SMYD3: variants seen among roughly 807,000 people sequenced by gnomAD.
SMYD3 encodes SET and MYND domain containing 3, also known as histone-lysine N-methyltransferase SMYD3.
Under a neutral mutation model 57.7 loss-of-function variants are expected in SMYD3, and 36 were observed. The ratio of observed to expected loss-of-function variants is 0.62; its 90% CI spans 0.48 to 0.82. The LOEUF is 0.82. Ranked by LOEUF, SMYD3 falls within the 40% of genes least tolerant of loss-of-function variation. The pLI is 0.00. For synonymous variants in SMYD3, 211 were observed against 195.0 expected (o/e 1.08, Z -0.68); for missense variants, 515 against 538.8 (o/e 0.96, Z 0.44).
At chr1:245,775,375 T>A (rs1441135955) in intron 10 of SMYD3, among the ~76,000 whole-genome samples, 2 of 152,230 alleles carry the variant, frequency 1.3e-5, no homozygotes, top group African/African-American at 4.8e-5. Context: ...TAAGAAAAAT[T>A]CTTCTGCCTT....
chr1:246,234,070 A>T (rs796662552), intron 5 of SMYD3, among the ~76,000 whole-genome samples: 2 of 113,794 alleles, frequency 1.8e-5, no homozygotes, highest in Non-Finnish European at 3.5e-5. Flanking sequence ...GAGGAGAAGC[A>T]CTCCTTCAAT....
At chr1:246,255,927 A>AAGATAGATAGATAGATAGATAGAT (rs55974041) in intron 5 of SMYD3, among the ~76,000 whole-genome samples, 1 of 121,242 alleles carries the variant, frequency 8.2e-6, no homozygotes, top group Non-Finnish European at 1.7e-5. Context: ...CATAACTAAT[A>AAGATAGATAGATAGATAGATAGAT]AGATAGATAG....
intron 5 of SMYD3, among the ~76,000 whole-genome samples, chr1:246,243,015 C>G (rs12077630): frequency 6.6e-6 from 1 of 152,100 alleles, no homozygotes; most frequent in Non-Finnish European, 1.5e-5. Context: ...GAGACATTAA[C>G]GCCCCACTGT....
intron 10 of SMYD3, among the ~76,000 whole-genome samples, chr1:245,824,960 G>C (rs2049399310): frequency 6.6e-6 from 1 of 152,056 alleles, no homozygotes. Context: ...GAACCCGAGA[G>C]GCAGAGGTTG....
chr1:246,061,953 C>A (rs968126191), intron 5 of SMYD3, among the ~76,000 whole-genome samples: 1 of 152,060 alleles, frequency 6.6e-6, no homozygotes, highest in Admixed American at 6.6e-5. Flanking sequence ...AAGGCCACAA[C>A]GTTACAATAT....
At chr1:246,093,211 T>C (rs7518139) in intron 5 of SMYD3, among the ~76,000 whole-genome samples, 92,520 of 151,948 alleles carry the variant, frequency 0.61, 30,054 homozygotes, top group Admixed American at 0.76. Context: ...ATTATGAATG[T>C]TCAGTGAAAA....
intron 10 of SMYD3, among the ~76,000 whole-genome samples, chr1:245,844,356 A>G (rs1036284685): frequency 6.6e-6 from 1 of 150,474 alleles, no homozygotes; most frequent in Non-Finnish European, 1.5e-5. Flanking sequence ...AATGCAGCCT[A>G]AGGTTGGATT....
chr1:246,506,728 C>T (rs10218644), intron 1 of SMYD3, among the ~76,000 whole-genome samples: 65,733 of 152,036 alleles, frequency 0.43, 14,685 homozygotes, highest in Middle Eastern at 0.49. Context: ...GACTTTTCGT[C>T]TCCCAGCAAA....
intron 10 of SMYD3, among the ~76,000 whole-genome samples, chr1:245,834,057 T>C (rs1240185687): frequency 1.3e-5 from 2 of 152,200 alleles, no homozygotes; most frequent in African/African-American, 4.8e-5. Flanking sequence ...ACTAATTTGA[T>C]CACAGAGTCC....
At chr1:246,126,421 A>C (rs1296871017) in intron 5 of SMYD3, among the ~76,000 whole-genome samples, 1 of 152,242 alleles carries the variant, frequency 6.6e-6, no homozygotes. Flanking sequence ...TATTTTACTT[A>C]CAGACACAAG....
chr1:246,218,620 C>CA (rs551976972), intron 5 of SMYD3, among the ~76,000 whole-genome samples: 13,227 of 127,192 alleles, frequency 0.1, 993 homozygotes, highest in East Asian at 0.26. Flanking sequence ...GACTCCGTCT[C>CA]AAAAAAAAAA....
At chr1:246,490,396 A>T (rs973079463) in intron 1 of SMYD3, among the ~76,000 whole-genome samples, 15 of 152,204 alleles carry the variant, frequency 9.9e-5, no homozygotes, top group Admixed American at 3.3e-4. Flanking sequence ...TGCAAATTTC[A>T]GTCACTGAGA....
At chr1:246,189,183 G>C (rs1181770975) in intron 5 of SMYD3, 3 of 152,182 alleles carry the variant, frequency 2.0e-5, no homozygotes, top group African/African-American at 2.4e-5. Flanking sequence ...ACTTCTTAAA[G>C]AGAAAGGTAC....
chr1:245,997,512 C>G (rs1038619982), intron 5 of SMYD3, among the ~76,000 whole-genome samples: 10 of 152,248 alleles, frequency 6.6e-5, no homozygotes, highest in African/African-American at 2.4e-4. Context: ...CATGATTTCA[C>G]TTCCTTGGAG....
At chr1:246,296,637 C>T (rs984901748) in intron 5 of SMYD3, among the ~76,000 whole-genome samples, 4 of 151,998 alleles carry the variant, frequency 2.6e-5, no homozygotes, top group Non-Finnish European at 4.4e-5. Flanking sequence ...AAGTCATTTT[C>T]CTTCTACTTT....
intron 8 of SMYD3, among the ~76,000 whole-genome samples, chr1:245,883,463 T>C (rs2052904832): frequency 6.6e-6 from 1 of 152,210 alleles, no homozygotes; most frequent in Non-Finnish European, 1.5e-5. Flanking sequence ...GTCTACCACT[T>C]TTCTTTCATT....
At chr1:245,981,661 C>A (rs1238473766) in intron 5 of SMYD3, among the ~76,000 whole-genome samples, 1 of 152,086 alleles carries the variant, frequency 6.6e-6, no homozygotes, top group Non-Finnish European at 1.5e-5. Context: ...ATCTATCCTG[C>A]CATAACAAAA....
intron 5 of SMYD3, among the ~76,000 whole-genome samples, chr1:246,218,362 G>A (rs868679328): frequency 2.0e-5 from 3 of 152,034 alleles, no homozygotes; most frequent in African/African-American, 7.3e-5. Context: ...GGTGGCTCAC[G>A]CCTGTAATCC....
chr1:246,244,453 G>A (rs1314383724), intron 5 of SMYD3, among the ~76,000 whole-genome samples: 1 of 151,974 alleles, frequency 6.6e-6, no homozygotes, highest in Non-Finnish European at 1.5e-5. Flanking sequence ...TTATAAATAG[G>A]ATTTGATGCA....
Sources: allele counts gnomAD v4.1 joint callset (sites outside exome capture counted in the v4.1 genomes callset), GRCh38; gene constraint gnomAD v4.1.1; transcripts MANE v1.5; gene names NCBI Gene and HGNC (gene_info 2026-07-23, HGNC 2026-07-21).